The following NLGN4X variants were observed in gnomAD, a reference collection of about 807,000 sequenced individuals.
NLGN4X encodes neuroligin-4, X-linked.
Under a neutral mutation model 40.3 loss-of-function variants are expected in NLGN4X, and 3 were observed. The observed-to-expected ratio is 0.07, with a 90% CI of 0.03 to 0.19. The LOEUF (loss-of-function observed/expected upper bound fraction) is 0.19. Ranked by LOEUF, NLGN4X falls within the 10% of genes least tolerant of loss-of-function variation. NLGN4X has a pLI of 1.00. For synonymous variants in NLGN4X, 270 were observed against 306.8 expected (o/e 0.88, Z 1.25); for missense variants, 382 against 708.3 (o/e 0.54, Z 5.23).
chrX:5,960,198 T>C (rs1210850160), intron 3 of NLGN4X, among the ~76,000 whole-genome samples: 1 of 107,681 alleles, frequency 9.3e-6, no homozygotes, highest in African/African-American at 3.4e-5. Context: ...TCAATTTCCA[T>C]ATTAAAAACA....
chrX:5,991,929 T>C (rs1461183727), intron 3 of NLGN4X, among the ~76,000 whole-genome samples: 5 of 112,260 alleles, frequency 4.5e-5, no homozygotes, highest in Non-Finnish European at 9.4e-5. Flanking sequence ...AGTAGGATTA[T>C]TTGACAACAG....
intron 1 of NLGN4X, among the ~76,000 whole-genome samples, chrX:6,206,583 A>G (rs994230953): frequency 1.9e-4 from 21 of 111,708 alleles, no homozygotes; most frequent in African/African-American, 6.2e-4. Flanking sequence ...GATGTTGGCC[A>G]TGCTCCCTCT....
chrX:5,936,132 T>C (rs2033722557), intron 3 of NLGN4X, among the ~76,000 whole-genome samples: 1 of 111,448 alleles, frequency 9.0e-6, no homozygotes, highest in South Asian at 3.7e-4. Context: ...AAAACAAAAA[T>C]AAATGATTAA....
intron 1 of NLGN4X, among the ~76,000 whole-genome samples, chrX:6,212,587 A>T (rs979427457): frequency 1.8e-5 from 2 of 111,108 alleles, no homozygotes; most frequent in Non-Finnish European, 3.8e-5. Context: ...GGAAAGCCCC[A>T]CTCTTAAGCT....
At chrX:5,981,418 T>C (rs1645028334) in intron 3 of NLGN4X, among the ~76,000 whole-genome samples, 1 of 93,714 alleles carries the variant, frequency 1.1e-5, no homozygotes, top group Non-Finnish European at 2.1e-5. Flanking sequence ...ATACATAGTA[T>C]ACAGGATTTA....
chrX:6,090,972 A>C (rs1189519435), intron 2 of NLGN4X, among the ~76,000 whole-genome samples: 12 of 102,765 alleles, frequency 1.2e-4, no homozygotes. Context: ...GAGGAAGAAA[A>C]AGAAAAGGAA....
chrX:5,998,410 CAAAA>C (rs11344030), intron 3 of NLGN4X, among the ~76,000 whole-genome samples: 5 of 77,244 alleles, frequency 6.5e-5, no homozygotes, highest in Non-Finnish European at 2.5e-5. Flanking sequence ...AACTCCTTCT[CAAAA>C]AAAAAAAAAA....
chrX:6,075,872 T>C (rs2038182276), intron 2 of NLGN4X, among the ~76,000 whole-genome samples: 1 of 111,491 alleles, frequency 9.0e-6, no homozygotes, highest in Non-Finnish European at 1.9e-5. Context: ...CTTTCCTCTA[T>C]ATGTCACCCA....
chrX:6,211,881 A>G (rs755886555), intron 1 of NLGN4X, among the ~76,000 whole-genome samples: 4 of 111,595 alleles, frequency 3.6e-5, no homozygotes, highest in Non-Finnish European at 7.5e-5. Flanking sequence ...CTTTTTTCAA[A>G]GTTTCTGTAT....
At chrX:6,045,688 G>T (rs140731510) in intron 2 of NLGN4X, among the ~76,000 whole-genome samples, 3,982 of 111,535 alleles carry the variant, frequency 0.036, 135 homozygotes, top group African/African-American at 0.11. Flanking sequence ...AATTTAAAAA[G>T]TAGAGTACAT....
intron 3 of NLGN4X, among the ~76,000 whole-genome samples, chrX:5,997,586 GTATATATATATACACA>G (rs749191315): frequency 1.4e-3 from 65 of 46,813 alleles, no homozygotes; most frequent in East Asian, 5.2e-3. Flanking sequence ...GTGTGTGTGT[GTATATATATATACACA>G]TATATATATA....
At chrX:5,901,141 A>G (rs545246656) in intron 5 of NLGN4X, among the ~76,000 whole-genome samples, 33 of 111,541 alleles carry the variant, frequency 3.0e-4, no homozygotes, top group Middle Eastern at 4.6e-3. Flanking sequence ...AACATGCTGT[A>G]CTTTCGCCAA....
intron 2 of NLGN4X, among the ~76,000 whole-genome samples, chrX:6,117,572 C>T (rs1358794281): frequency 1.8e-5 from 2 of 111,676 alleles, no homozygotes; most frequent in African/African-American, 6.5e-5. Flanking sequence ...AACCAGGATT[C>T]CTGGTCCTGC....
chrX:6,118,050 A>G lies in NLGN4X; in HGVS notation c.472+32945T>C, dbSNP rs1458571803. Among the ~76,000 whole-genome samples, 3 of 109,772 alleles carry G rather than the reference A, an allele frequency of 2.7e-5. No homozygotes were observed. The East Asian group carries it at 8.7e-4, about 32-fold the overall frequency. On this transcript the variant is annotated intron_variant, in intron 2 of 5. Transcript: ENST00000381095. The stretch of plus-strand genomic sequence containing the variant: ...AGTCTCTCTCTCTCTCCTTCTATCT[A>G]TATCTTCCACTTTCTCCCTCTCTCT...
Position 5,903,534 on chromosome X carries a change from C to T in NLGN4X, c.1144G>A (p.Gly382Ser), listed in dbSNP as rs760969834. 11 of 1,207,431 alleles carry T rather than the reference C, an allele frequency of 9.1e-6. No individual in the cohort carries two copies. The highest frequency in any genetic ancestry group is 4.4e-5 in the Admixed American group (2 of 45,605). ...NQGEGLKFVD[G>S]IVDNEDGVTP... ...ACACCGTCCTCGTTATCCACGATGCCGTCCACGAACTTCAGGCCTTCCCCT... is the reference window on the plus strand; with the variant it reads ...ACACCGTCCTCGTTATCCACGATGCTGTCCACGAACTTCAGGCCTTCCCCT... Residue 382 changes from glycine to serine, a missense_variant, in exon 5 of 6, where the codon GGC becomes AGC. Physicochemically the swap from Gly to Ser is moderately conservative, Grantham distance 56. This residue lies in a region of NLGN4X where 149 missense variants were observed against 375.8 expected (regional missense o/e 0.40). Transcript: ENST00000381095.
chrX:5,915,313 C>G (rs1013741425), intron 3 of NLGN4X, among the ~76,000 whole-genome samples: 1 of 111,466 alleles, frequency 9.0e-6, no homozygotes, highest in Non-Finnish European at 1.9e-5. Flanking sequence ...ACACATTTAT[C>G]TAGAATTAAG....
At chrX:5,901,549 G>A (rs16997514) in intron 5 of NLGN4X, among the ~76,000 whole-genome samples, 1,908 of 111,066 alleles carry the variant, frequency 0.017, 41 homozygotes, top group African/African-American at 0.059. Context: ...CAGAGAATCC[G>A]CTCAGCAGAA....
At position 6,115,213 on chromosome X, in the gene NLGN4X, T is replaced by C. The variant is rs185856405; in HGVS notation, c.472+35782A>G. Among the ~76,000 whole-genome samples, 85 of 111,600 alleles carry C rather than the reference T, an allele frequency of 7.6e-4. 3 individuals carry two copies. The highest frequency in any genetic ancestry group is 2.8e-3 in the African/African-American group (85 of 30,620). ...GGGCCAGTAATAACTCATAAAAATG[T>C]AGAGTGAATGACTACAATACTTTAA... On this transcript the variant is annotated intron_variant, in intron 2 of 5. Coordinates refer to ENST00000381095, the MANE Select transcript of NLGN4X (RefSeq NM_181332.3).
At chrX:6,175,935 C>T (rs994462886) in intron 1 of NLGN4X, among the ~76,000 whole-genome samples, 5 of 110,988 alleles carry the variant, frequency 4.5e-5, no homozygotes, top group African/African-American at 1.6e-4. Flanking sequence ...GCATTAAATA[C>T]ACTTGTAATG....
Sources: allele counts gnomAD v4.1 joint callset (sites outside exome capture counted in the v4.1 genomes callset), GRCh38; gene constraint gnomAD v4.1.1; regional missense constraint gnomAD v4.1.1; transcripts MANE v1.5; gene names NCBI Gene and HGNC (gene_info 2026-07-23, HGNC 2026-07-21).